SNRPN: variants seen among roughly 807,000 people sequenced by gnomAD.
The protein encoded by SNRPN is small nuclear ribonucleoprotein polypeptide N.
SNRPN carries 7 observed loss-of-function variants against 25.2 expected under a neutral mutation model. The ratio of observed to expected loss-of-function variants is 0.28; its 90% CI spans 0.16 to 0.52. The LOEUF is 0.52. Among genes scored for constraint, SNRPN ranks in the 20% least tolerant of loss-of-function variants. SNRPN has a pLI of 0.96. For missense variants in SNRPN, 196 were observed against 322.5 expected (o/e 0.61, Z 3.00); for synonymous variants, 124 against 110.6 (o/e 1.12, Z -0.76).
intron 2 of SNRPN, among the ~76,000 whole-genome samples, chr15:24,890,923 A>AT (rs1195051825): frequency 1.3e-5 from 2 of 151,866 alleles, no homozygotes; most frequent in African/African-American, 2.4e-5. Context: ...ATTATTTTTT[A>AT]TTTTTTTGAT....
At chr15:24,863,337 CAGA>C (rs2054185521) in intron 1 of SNRPN, among the ~76,000 whole-genome samples, 2 of 150,836 alleles carry the variant, frequency 1.3e-5, no homozygotes, top group Admixed American at 6.6e-5. Flanking sequence ...CCCAGCTGCA[CAGA>C]AGAAGGACAG....
intron 3 of SNRPN, among the ~76,000 whole-genome samples, chr15:24,930,435 C>G (rs373931635): frequency 3.6e-4 from 55 of 151,802 alleles, no homozygotes; most frequent in African/African-American, 1.3e-3. Flanking sequence ...AGAAATCTGT[C>G]TAGGTTCACC....
intron 3 of SNRPN, among the ~76,000 whole-genome samples, chr15:24,949,760 C>T (rs2062122776): frequency 6.6e-6 from 1 of 152,150 alleles, no homozygotes; most frequent in Non-Finnish European, 1.5e-5. Flanking sequence ...AATCAACACT[C>T]CATTCCTTTT....
intron 2 of SNRPN, among the ~76,000 whole-genome samples, chr15:24,908,593 C>A (rs527916205): frequency 0.017 from 546 of 32,998 alleles, 6 homozygotes; most frequent in African/African-American, 0.12. Context: ...GGATTTGTTC[C>A]TGGAAAGAAC....
chr15:24,862,968 G>A (rs761239834), intron 1 of SNRPN, among the ~76,000 whole-genome samples: 1 of 151,040 alleles, frequency 6.6e-6, no homozygotes, highest in African/African-American at 2.5e-5. Flanking sequence ...AGGGGAGGGA[G>A]GACAGCTCTG....
At chr15:24,967,836 C>G in intron 2 of SNRPN, 96 bp from the exon 3 acceptor site, 84 of 671,264 alleles carry the variant, frequency 1.3e-4, no homozygotes, top group Non-Finnish European at 1.8e-4. Flanking sequence ...AAAGGAATAT[C>G]TTCTTAAATG....
chr15:24,908,889 T>C, intron 2 of SNRPN: 1 of 793,248 alleles, frequency 1.3e-6, no homozygotes, highest in Non-Finnish European at 2.1e-6. Context: ...CATAAGTTTA[T>C]TGTCTGTATC....
At chr15:24,829,439 A>C (rs12901127) in intron 1 of SNRPN, among the ~76,000 whole-genome samples, 54,281 of 151,876 alleles carry the variant, frequency 0.36, 11,644 homozygotes, top group African/African-American at 0.6. Context: ...GGGCATGAGA[A>C]GAGGGTGGTG....
rs778161560 is a variant in SNRPN, at chr15:24,862,422, G to C, written c.-579+5706G>C. Among the ~76,000 whole-genome samples the C allele has an allele frequency of 8.6e-5, 13 of 150,780 alleles. No individual in the cohort carries two copies. The Middle Eastern group carries it at 0.014, about 158-fold the overall frequency. The stretch of plus-strand genomic sequence containing the variant: ...CACATCCTGACCTGAGAACAGAAGA[G>C]AGCACAAGAAACAGGTTCATCTTCA... On this transcript the variant is annotated intron_variant, in intron 1 of 11. Coordinates refer to the SNRPN transcript ENST00000400097.
chr15:24,837,965 C>T (rs1253252224), intron 2 of SNRPN, among the ~76,000 whole-genome samples: 2 of 151,898 alleles, frequency 1.3e-5, no homozygotes, highest in Non-Finnish European at 2.9e-5. Flanking sequence ...TCAGAAGATC[C>T]GCCTGCCTCG....
intron 3 of SNRPN, among the ~76,000 whole-genome samples, chr15:24,973,393 T>C (rs954314887): frequency 1.3e-5 from 2 of 152,076 alleles, no homozygotes; most frequent in African/African-American, 2.4e-5. Context: ...ACGTGACTTA[T>C]TTATTTATTT....
chr15:24,957,052 A>G (rs551232634), intron 1 of SNRPN, among the ~76,000 whole-genome samples: 1 of 152,208 alleles, frequency 6.6e-6, no homozygotes, highest in Admixed American at 6.5e-5. Flanking sequence ...ATTGTGCGCT[A>G]ATTCTCTATT....
intron 3 of SNRPN, among the ~76,000 whole-genome samples, chr15:24,944,602 T>G (rs1406170309): frequency 6.6e-6 from 1 of 152,186 alleles, no homozygotes; most frequent in African/African-American, 2.4e-5. Context: ...TAAATCTAGT[T>G]AGTTTAGAGT....
intron 1 of SNRPN, among the ~76,000 whole-genome samples, chr15:24,864,112 C>A (rs1011529052): frequency 6.8e-6 from 1 of 148,022 alleles, no homozygotes; most frequent in African/African-American, 2.6e-5. Flanking sequence ...CTGCAAGCTC[C>A]GCCTCCCGGG....
chr15:24,833,790 C>A (rs1292515499), intron 2 of SNRPN, among the ~76,000 whole-genome samples: 1 of 152,030 alleles, frequency 6.6e-6, no homozygotes, highest in East Asian at 1.9e-4. Flanking sequence ...ATTAAGTCCT[C>A]CAGATAATCT....
At chr15:24,909,028 C>G in intron 2 of SNRPN, 1 of 1,428,970 alleles carries the variant, frequency 7.0e-7, no homozygotes, top group Non-Finnish European at 9.8e-7. Flanking sequence ...GATGGTTCCA[C>G]CTCTTCTTTT....
intron 3 of SNRPN, among the ~76,000 whole-genome samples, chr15:24,948,029 G>C (rs998071895): frequency 6.6e-6 from 1 of 152,050 alleles, no homozygotes; most frequent in African/African-American, 2.4e-5. Flanking sequence ...CATGTGCCAT[G>C]CTGTAGAATT....
intron 1 of SNRPN, among the ~76,000 whole-genome samples, chr15:24,883,243 A>C (rs1413601811): frequency 6.6e-6 from 1 of 152,380 alleles, no homozygotes; most frequent in African/African-American, 2.4e-5. Flanking sequence ...GGCCAAGCGT[A>C]TTCCTTGGAT....
chr15:24,827,391 T>C (rs2050177416), intron 1 of SNRPN, among the ~76,000 whole-genome samples: 1 of 151,240 alleles, frequency 6.6e-6, no homozygotes, highest in African/African-American at 2.4e-5. Flanking sequence ...GGCGGGCGCC[T>C]GTAGTCCCAG....
Sources: gnomAD v4.1 joint callset for allele counts (sites outside exome capture counted in the v4.1 genomes callset) on GRCh38, gnomAD v4.1.1 for gene constraint, MANE v1.5 for transcripts, NCBI Gene and HGNC (gene_info 2026-07-23, HGNC 2026-07-21) for gene names.